Variants in RC3H2 observed in about 807,000 individuals in gnomAD.
The protein encoded by RC3H2 is roquin-2.
Under a neutral mutation model 133.3 loss-of-function variants are expected in RC3H2, and 31 were observed. That is an observed-to-expected ratio of 0.23 (90% confidence interval 0.17 to 0.31). The LOEUF is 0.31. Ranked by LOEUF, RC3H2 falls within the 10% of genes least tolerant of loss-of-function variation. The probability of loss-of-function intolerance (pLI) is 1.00; values close to 1 mark genes in which losing one functional copy is unlikely to be tolerated. For synonymous variants in RC3H2, 517 were observed against 502.2 expected (o/e 1.03, Z -0.40); for missense variants, 1,175 against 1,437.2 (o/e 0.82, Z 2.95).
intron 4 of RC3H2, among the ~76,000 whole-genome samples, chr9:122,884,744 T>C (rs2131471058): frequency 6.6e-6 from 1 of 151,310 alleles, no homozygotes; most frequent in Non-Finnish European, 1.5e-5. Flanking sequence ...TCACAGCTAC[T>C]CAGAAGGCTG....
intron 9 of RC3H2, among the ~76,000 whole-genome samples, chr9:122,867,204 C>T (rs1399388508): frequency 1.4e-4 from 18 of 130,246 alleles, no homozygotes; most frequent in African/African-American, 4.0e-4. Flanking sequence ...CGTCTCCGCC[C>T]GGCAGCCACC....
intron 9 of RC3H2, among the ~76,000 whole-genome samples, chr9:122,871,525 G>A (rs923587090): frequency 1.3e-5 from 2 of 149,160 alleles, no homozygotes; most frequent in East Asian, 2.0e-4. Context: ...GGGTTTCATC[G>A]TGTTAGCCAG....
rs774483373 is a variant in RC3H2 at position 122,879,871 on chromosome 9, C to T, written c.1096G>A (p.Ala366Thr). 3.7e-6 allele frequency: 6 copies of T among 1,613,624 alleles called. No individual in the cohort carries two copies. Among genetic ancestry groups the T allele is most frequent in the South Asian group, 3.3e-5 (3 of 91,044 alleles). The change falls in exon 8 of 21, where the codon GCT becomes ACT. Residue 366 changes from alanine (A) to threonine (T), a missense_variant and splice_region_variant. Physicochemically the swap from Ala to Thr is moderately conservative, Grantham distance 58. Around this residue, in one of 8 missense-constraint regions of RC3H2, gnomAD observed 131 missense variants for 154.2 expected, o/e 0.85. Coordinates refer to ENST00000357244, the MANE Select transcript of RC3H2 (RefSeq NM_001100588.3). ...AGCTGCTCCCAAGTTGGTGAAACAG[C>T]GTCTAAAATAAGCCACCAAGGGCAT... ...LLANIDPNPD[A>T]VSPTWEQLEN...
At position 122,860,036 on chromosome 9, in the gene RC3H2, T is replaced by C. The variant is rs772240852; in HGVS notation, c.1730A>G (p.Gln577Arg). 6.2e-7 allele frequency: 1 copy of C among 1,614,128 alleles called. No homozygotes were observed. The highest frequency in any genetic ancestry group is 8.5e-7 in the Non-Finnish European group (1 of 1,180,004). Reference sequence around the variant, plus strand: ...TCTAGTTAGAAATGGGCTGGATTTTTGAGGCACAGAATTCAGCTCTGTTCC... The same window carrying C: ...TCTAGTTAGAAATGGGCTGGATTTTCGAGGCACAGAATTCAGCTCTGTTCC... Reference protein sequence around the residue: ...NVGTELNSVPQKSSPFLTRVP... With the variant: ...NVGTELNSVPRKSSPFLTRVP... The change falls in exon 11 of 21, where the codon CAA becomes CGA. Residue 577 changes from glutamine to arginine, a missense_variant. Coordinates refer to ENST00000357244, the MANE Select transcript of RC3H2 (RefSeq NM_001100588.3).
chr9:122,904,802 GGA>G (rs930745697), intron 1 of RC3H2, among the ~76,000 whole-genome samples: 4 of 152,224 alleles, frequency 2.6e-5, no homozygotes, highest in Non-Finnish European at 5.9e-5. Flanking sequence ...TGTAGAAAAG[GGA>G]GAGTGAAGCC....
rs772733364 is a variant in RC3H2, at chr9:122,877,464, C to G, written c.1325+7G>C. On this transcript the variant is annotated splice_region_variant and intron_variant, in intron 9 of 20. Coordinates refer to ENST00000357244, the MANE Select transcript of RC3H2 (RefSeq NM_001100588.3). ...AACCCATATGAAACAGAATTCTCAA[C>G]ACTTACTTTTCAAGCTCTTCCTGAG... 11 of 1,605,522 alleles carry G rather than the reference C, an allele frequency of 6.9e-6. No homozygotes were observed. The highest frequency in any genetic ancestry group is 8.5e-6 in the Non-Finnish European group (10 of 1,172,334).
rs1263543018 is a variant in RC3H2 at position 122,847,739 on chromosome 9, G to C, written c.*1888C>G. 1 of 152,072 alleles carries C rather than the reference G, an allele frequency of 6.6e-6. No homozygotes were observed. Among genetic ancestry groups the C allele is most frequent in the African/African-American group, 2.4e-5 (1 of 41,418 alleles). The allele number at this position is 152,072 out of a possible 1,614,324, so 9.4% of individuals were successfully genotyped here. A position where few individuals can be genotyped will look rare whatever the true frequency, so the allele number is the denominator to read the frequency against. On this transcript the variant is annotated 3_prime_UTR_variant, in exon 21 of 21. Transcript: ENST00000357244. ...TAAATAAAATGTCTTCATAGGGATG[G>C]GGAGCACTGGCCATGGCAAAAAAGG...
chr9:122,868,735 CAATAAAA>C (rs1022683694), intron 9 of RC3H2, among the ~76,000 whole-genome samples: 1 of 149,306 alleles, frequency 6.7e-6, no homozygotes, highest in Non-Finnish European at 1.5e-5. Context: ...CAAGAATGAT[CAATAAAA>C]AATAAATAAA....
intron 4 of RC3H2, among the ~76,000 whole-genome samples, chr9:122,889,463 G>A (rs1832070531): frequency 6.6e-6 from 1 of 152,030 alleles, no homozygotes; most frequent in Admixed American, 6.6e-5. Context: ...CTTATTAAAA[G>A]TTTCCTTTCC....
chr9:122,896,480 T>C (rs1197784336), intron 2 of RC3H2, among the ~76,000 whole-genome samples: 2 of 152,236 alleles, frequency 1.3e-5, no homozygotes, highest in African/African-American at 2.4e-5. Context: ...CTTATATACA[T>C]AAATTTTAGC....
intron 8 of RC3H2, among the ~76,000 whole-genome samples, chr9:122,878,042 T>G (rs1040312269): frequency 6.6e-6 from 1 of 152,146 alleles, no homozygotes; most frequent in Non-Finnish European, 1.5e-5. Context: ...AGGGTGCAAC[T>G]CTCAGGCTTA....
At chr9:122,899,591 T>C (rs1478731628) in intron 1 of RC3H2, among the ~76,000 whole-genome samples, 1 of 152,230 alleles carries the variant, frequency 6.6e-6, no homozygotes, top group Non-Finnish European at 1.5e-5. Flanking sequence ...CCACATCTAT[T>C]AATGCCATCA....
At chr9:122,855,547 C>G in intron 14 of RC3H2, 150 bp from the exon 15 acceptor site, 1 of 927,972 alleles carries the variant, frequency 1.1e-6, no homozygotes, top group Non-Finnish European at 1.6e-6. Flanking sequence ...ACCAGTAAAC[C>G]ACCAATGTTC....
intron 9 of RC3H2, among the ~76,000 whole-genome samples, chr9:122,870,606 C>T (rs1340527948): frequency 6.6e-6 from 1 of 152,192 alleles, no homozygotes; most frequent in Admixed American, 6.5e-5. Flanking sequence ...TTTTCAGGGA[C>T]AGGATCTCAC....
intron 10 of RC3H2, among the ~76,000 whole-genome samples, chr9:122,863,339 TA>T (rs1365625361): frequency 2.6e-5 from 4 of 152,232 alleles, no homozygotes; most frequent in Non-Finnish European, 4.4e-5. Flanking sequence ...GCTTATTTCC[TA>T]AACATGTATA....
At chr9:122,856,606 C>G (rs994354610) in intron 13 of RC3H2, among the ~76,000 whole-genome samples, 2 of 152,084 alleles carry the variant, frequency 1.3e-5, no homozygotes, top group African/African-American at 4.8e-5. Context: ...GGGAATATAA[C>G]TGATAAATTA....
chr9:122,852,517 C>A (rs1306377863), intron 18 of RC3H2, among the ~76,000 whole-genome samples: 2 of 147,212 alleles, frequency 1.4e-5, no homozygotes, highest in Non-Finnish European at 3.0e-5. Flanking sequence ...CCAGCCGCCC[C>A]GTCCGGGAGG....
intron 9 of RC3H2, chr9:122,875,469 T>G (rs1367058387): frequency 3.7e-5 from 51 of 1,389,426 alleles, no homozygotes; most frequent in African/African-American, 4.3e-5. Flanking sequence ...ATTTATGCAT[T>G]GTCTGTGGCT....
At chr9:122,887,863 C>A (rs1831995004) in intron 4 of RC3H2, among the ~76,000 whole-genome samples, 1 of 151,082 alleles carries the variant, frequency 6.6e-6, no homozygotes, top group Non-Finnish European at 1.5e-5. Flanking sequence ...CGTGCCTCAG[C>A]TTCGCGAGTA....
Sources: gnomAD v4.1 joint callset for allele counts (sites outside exome capture counted in the v4.1 genomes callset) on GRCh38, gnomAD v4.1.1 for gene constraint, gnomAD v4.1.1 regional missense constraint, MANE v1.5 for transcripts, NCBI Gene and HGNC (gene_info 2026-07-23, HGNC 2026-07-21) for gene names.